The following CR1 variants were observed in gnomAD, a reference collection of about 807,000 sequenced individuals.
CR1 encodes the protein complement receptor type 1.
Under a neutral mutation model 187.3 loss-of-function variants are expected in CR1, and 116 were observed. The ratio of observed to expected loss-of-function variants is 0.62; its 90% CI spans 0.53 to 0.72. CR1 has a LOEUF of 0.72. Among genes scored for constraint, CR1 ranks in the 30% least tolerant of loss-of-function variants. The pLI, the probability that CR1 is intolerant of heterozygous loss-of-function variation, is 0.00. For missense variants in CR1, 1,731 were observed against 2,110.7 expected (o/e 0.82, Z 3.52); for synonymous variants, 576 against 747.1 (o/e 0.77, Z 3.73).
intron 41 of CR1, 72 bp downstream of exon 41, chr1:207,616,874 G>T: frequency 1.3e-6 from 2 of 1,552,960 alleles, no homozygotes; most frequent in South Asian, 1.2e-5. Context: ...TTTCTATAGT[G>T]ACAGTCATTT....
intron 33 of CR1, among the ~76,000 whole-genome samples, chr1:207,586,240 C>T (rs750223301): frequency 6.6e-6 from 1 of 152,048 alleles, no homozygotes; most frequent in Admixed American, 6.6e-5. Flanking sequence ...CTGGCTCAAG[C>T]AAGCCTCCCA....
At chr1:207,621,253 T>C (rs930872156) in intron 43 of CR1, among the ~76,000 whole-genome samples, 5 of 151,980 alleles carry the variant, frequency 3.3e-5, no homozygotes, top group African/African-American at 9.7e-5. Context: ...CTGGTCTCGG[T>C]GACAAGAGCA....
intron 2 of CR1, among the ~76,000 whole-genome samples, chr1:207,506,410 G>A (rs772677568): frequency 4.6e-5 from 7 of 152,332 alleles, no homozygotes; most frequent in Non-Finnish European, 1.0e-4. Context: ...ACTAAAAGAT[G>A]TGACAATCTT....
At chr1:207,613,716 TC>T (rs1388185958) in intron 39 of CR1, among the ~76,000 whole-genome samples, 1 of 152,150 alleles carries the variant, frequency 6.6e-6, no homozygotes, top group Non-Finnish European at 1.5e-5. Flanking sequence ...TTTAATGATT[TC>T]CAAAGAATCT....
At chr1:207,627,360 T>A (rs1662514338) in intron 45 of CR1, among the ~76,000 whole-genome samples, 2 of 152,232 alleles carry the variant, frequency 1.3e-5, no homozygotes, top group African/African-American at 4.8e-5. Context: ...ACAACAAATC[T>A]AAACTGTCCC....
At chr1:207,622,364 C>T (rs1192292643) in intron 44 of CR1, among the ~76,000 whole-genome samples, 2 of 152,138 alleles carry the variant, frequency 1.3e-5, no homozygotes, top group African/African-American at 4.8e-5. Flanking sequence ...TGCTCATTTG[C>T]ACAAATAGAA....
chr1:207,510,537 C>A (rs2102286626), intron 3 of CR1, among the ~76,000 whole-genome samples: 1 of 152,276 alleles, frequency 6.6e-6, no homozygotes, highest in East Asian at 1.9e-4. Context: ...TTCACCCAAC[C>A]ATCTATCACA....
chr1:207,525,733 G>A lies in CR1; in HGVS notation c.887-1020G>A, dbSNP rs56348435. Among the ~76,000 whole-genome samples the A allele has an allele frequency of 7.5e-3, 1,137 of 152,108 alleles. 8 individuals carry two copies. The highest frequency in any genetic ancestry group is 0.011 in the Non-Finnish European group (761 of 68,006). ...AAAGACAGTGCAGAAGTGTGAGGCT[G>A]GGGGCCAACAGAAATTTAACCAGCA... On this transcript the variant is annotated intron_variant, in intron 5 of 46. Coordinates refer to ENST00000367049, the MANE Select transcript of CR1 (RefSeq NM_000651.6).
chr1:207,602,959 GA>G (rs1661647185), intron 35 of CR1, among the ~76,000 whole-genome samples: 1 of 152,012 alleles, frequency 6.6e-6, no homozygotes, highest in Non-Finnish European at 1.5e-5. Context: ...CTTATAAGCA[GA>G]AGATTTAAAA....
At chr1:207,576,035 C>G (rs554035519) in intron 28 of CR1, among the ~76,000 whole-genome samples, 11 of 152,328 alleles carry the variant, frequency 7.2e-5, no homozygotes, top group East Asian at 5.8e-4. Flanking sequence ...TCTGCAAGCT[C>G]TTAGTATCAC....
chr1:207,621,827 G>A (rs1008977955), intron 43 of CR1, 146 bp from the exon 44 acceptor site: 14 of 499,000 alleles, frequency 2.8e-5, no homozygotes, highest in Non-Finnish European at 5.0e-5. Context: ...GAGAGTATGT[G>A]AATGAAACCA....
chr1:207,632,864 C>T (rs910050573), intron 46 of CR1, among the ~76,000 whole-genome samples: 1 of 149,068 alleles, frequency 6.7e-6, no homozygotes, highest in Non-Finnish European at 1.5e-5. Context: ...TTCAGGGATG[C>T]TTTAGACTAT....
chr1:207,515,219 A>G (rs112750491), intron 4 of CR1, among the ~76,000 whole-genome samples: 3 of 131,072 alleles, frequency 2.3e-5, no homozygotes, highest in African/African-American at 4.0e-5. Flanking sequence ...AGGTATATAC[A>G]TATATATACG....
chr1:207,505,130 T>C (rs1295316454), intron 1 of CR1, among the ~76,000 whole-genome samples: 1 of 152,220 alleles, frequency 6.6e-6, no homozygotes, highest in Non-Finnish European at 1.5e-5. Flanking sequence ...AAGGGACTAC[T>C]GTTGTAAAGG....
rs191246693 is a variant in CR1 at position 207,519,594 on chromosome 1, C to A, written c.488-4017C>A. Among the ~76,000 whole-genome samples, 28 of 152,282 alleles carry A rather than the reference C, an allele frequency of 1.8e-4. No homozygotes were observed. In the East Asian group the frequency reaches 4.2e-3, roughly 23 times the overall value. On this transcript the variant is annotated intron_variant, in intron 4 of 46. Transcript: ENST00000367049. The stretch of plus-strand genomic sequence containing the variant: ...TATTAATAGTTAATTCCATTTATGT[C>A]CTCCCCCTCTTTTTGTATTGTTGCC...
chr1:207,510,611 G>A (rs1323425230), intron 3 of CR1, among the ~76,000 whole-genome samples: 2 of 152,122 alleles, frequency 1.3e-5, no homozygotes, highest in African/African-American at 4.8e-5. Context: ...GGCACACTGT[G>A]AACAGTTTGA....
chr1:207,638,704 T>A (rs1404735035), intron 46 of CR1, among the ~76,000 whole-genome samples: 1 of 152,196 alleles, frequency 6.6e-6, no homozygotes, highest in Non-Finnish European at 1.5e-5. Context: ...CTCCAAGGAA[T>A]TGAAGAGCTA....
chr1:207,496,186 T>C lies in CR1; in HGVS notation c.-82T>C, dbSNP rs1313209206. On this transcript the variant is annotated 5_prime_UTR_variant, in exon 1 of 47. Transcript: ENST00000367049. Reference sequence around the variant, plus strand: ...TCTGGGCGCGGAGCACAATGATTGGTCACTCCTATTTTCGCTGAGCTTTTC... The same window carrying C: ...TCTGGGCGCGGAGCACAATGATTGGCCACTCCTATTTTCGCTGAGCTTTTC... 6.2e-7 allele frequency: 1 copy of C among 1,609,642 alleles called. No individual in the cohort carries two copies. Among genetic ancestry groups the C allele is most frequent in the Admixed American group, 1.7e-5 (1 of 59,634 alleles).
chr1:207,622,642 G>C (rs912166091), intron 44 of CR1, among the ~76,000 whole-genome samples: 11 of 152,184 alleles, frequency 7.2e-5, no homozygotes, highest in African/African-American at 2.7e-4. Flanking sequence ...ACAAGAGAGA[G>C]AATTCCAGTA....
Sources: allele counts gnomAD v4.1 joint callset (sites outside exome capture counted in the v4.1 genomes callset), GRCh38; gene constraint gnomAD v4.1.1; transcripts MANE v1.5; gene names NCBI Gene and HGNC (gene_info 2026-07-23, HGNC 2026-07-21).